IFT140: variants seen among roughly 807,000 people sequenced by gnomAD.
The protein encoded by IFT140 is intraflagellar transport protein 140 homolog.
In IFT140, 133 loss-of-function variants were observed where a neutral mutation model predicts 164.6. The observed-to-expected ratio is 0.81, with a 90% CI of 0.70 to 0.93. The LOEUF (loss-of-function observed/expected upper bound fraction) is 0.93, where lower values mean the gene tolerates loss of function less well. Ranked by LOEUF, IFT140 falls within the 40% of genes least tolerant of loss-of-function variation. The pLI is 0.00. For missense variants in IFT140, 2,045 were observed against 1,972.3 expected (o/e 1.04, Z -0.70); for synonymous variants, 860 against 817.3 (o/e 1.05, Z -0.89).
chr16:1,563,892 G>A, intron 17 of IFT140, 105 bp downstream of exon 17: 1 of 1,247,162 alleles, frequency 8.0e-7, no homozygotes, highest in Non-Finnish European at 1.1e-6. Context: ...CTCCCACAGT[G>A]CCGGGATCAC....
chr16:1,544,742 G>A (rs902505905), intron 19 of IFT140, among the ~76,000 whole-genome samples: 19 of 151,692 alleles, frequency 1.3e-4, no homozygotes, highest in African/African-American at 3.1e-4. Flanking sequence ...TCCGCCTCCC[G>A]GGTTCACGCC....
chr16:1,576,350 G>T (rs1199899364), intron 13 of IFT140, among the ~76,000 whole-genome samples: 1 of 151,254 alleles, frequency 6.6e-6, no homozygotes, highest in Non-Finnish European at 1.5e-5. Context: ...CTAGCACTTT[G>T]GGAGGCCGAG....
chr16:1,582,486 C>T (rs1182959914), intron 12 of IFT140, among the ~76,000 whole-genome samples: 2 of 152,252 alleles, frequency 1.3e-5, no homozygotes, highest in African/African-American at 4.8e-5. Context: ...TTTGGGACCT[C>T]TGGCCTCCAG....
At chr16:1,516,161 A>C (rs1567318503) in intron 30 of IFT140, among the ~76,000 whole-genome samples, 1 of 138,176 alleles carries the variant, frequency 7.2e-6, no homozygotes, top group Non-Finnish European at 1.6e-5. Flanking sequence ...AAAAAAAAAA[A>C]AAAAAAAAAA....
chr16:1,570,669 C>A (rs894247427), intron 14 of IFT140, among the ~76,000 whole-genome samples: 1 of 152,220 alleles, frequency 6.6e-6, no homozygotes, highest in Non-Finnish European at 1.5e-5. Flanking sequence ...TTTCCCCCCA[C>A]ACCCTTTAGT....
rs759010078 is a variant in IFT140, at chr16:1,584,268, G to A, written c.1308C>T (p.Val436=). ...GCATGTCGGTGCGCAGGCTGTGTGC[G>A]ACCCCCGTGGACAGGAAGCACACAT... The part of the protein sequence containing the change: ...LLNVCFLSTG[V]AHSLRTDMHI... The change falls in exon 11 of 31, where the codon GTC becomes GTT. Residue 436 remains valine, a synonymous_variant. Transcript: ENST00000426508. The A allele has an allele frequency of 1.9e-6, 3 of 1,613,746 alleles. No homozygotes were observed. Among genetic ancestry groups the A allele is most frequent in the African/African-American group, 1.3e-5 (1 of 74,900 alleles).
chr16:1,536,101 G>T (rs2031044163), intron 19 of IFT140, among the ~76,000 whole-genome samples: 1 of 152,236 alleles, frequency 6.6e-6, no homozygotes, highest in Admixed American at 6.5e-5. Context: ...ACCCCCGGGG[G>T]AGGGAGTTCC....
chr16:1,520,537 G>A lies in IFT140; in HGVS notation c.3660+65C>T, dbSNP rs189887106. 1,791 of 1,483,944 alleles carry A rather than the reference G, an allele frequency of 1.2e-3. 21 individuals are homozygous for A. The African/African-American group carries it at 0.023, about 19-fold the overall frequency. The allele number at this position is 1,483,944 out of a possible 1,614,324, so 91.9% of individuals were successfully genotyped here. A position where few individuals can be genotyped will look rare whatever the true frequency, so the allele number is the denominator to read the frequency against. ...TCATCACGAAGGCAAATGGAGATGC[G>A]TGCAGGGGGCCCGCAGCCTAACTGC... On this transcript the variant is annotated intron_variant, in intron 27 of 30. Transcript: ENST00000426508.
In IFT140 at chr16:1,533,840, G is replaced by C. The variant is rs1327886546; in HGVS notation, c.2400-7044C>G. ...ACACCGGCCACCCTGCCCGGAGCCT[G>C]GCACTCACAGCAGGCCGGTGCTAAG... On this transcript the variant is annotated intron_variant, in intron 19 of 30. Coordinates refer to ENST00000426508, the MANE Select transcript of IFT140 (RefSeq NM_014714.4). This position sits in a 1 kb window ranked among gnomAD's most constrained non-coding sequence, Gnocchi z 4.7. 4.5e-6 allele frequency: 1 copy of C among 223,604 alleles called. No individual in the cohort carries two copies. The highest frequency in any genetic ancestry group is 8.8e-6 in the Non-Finnish European group (1 of 113,900). The allele number at this position is 223,604 out of a possible 1,614,324, so 13.9% of individuals were successfully genotyped here.
In IFT140 at chr16:1,552,778, A is replaced by C. The variant is rs564715121; in HGVS notation, c.2399+5157T>G. On this transcript the variant is annotated intron_variant, in intron 19 of 30. Transcript: ENST00000426508. ...ATTCTCTGCTTCAGTCTCCTGAGTA[A>C]CTGGGATTACAGGTGCCTGCCACCA... 5.3e-3 allele frequency: 854 copies of C among 161,918 alleles called. 7 individuals carry two copies. The highest frequency in any genetic ancestry group is 9.5e-3 in the Non-Finnish European group (733 of 77,270). The allele number at this position is 161,918 out of a possible 1,614,324, so 10.0% of individuals were successfully genotyped here.
At chr16:1,549,329 C>A (rs754673810) in intron 19 of IFT140, among the ~76,000 whole-genome samples, 5 of 152,262 alleles carry the variant, frequency 3.3e-5, no homozygotes, top group Admixed American at 6.5e-5. Context: ...TCTGTGGCAA[C>A]AAAAATGCCA....
At chr16:1,602,638 T>A (rs560051863) in intron 3 of IFT140, 47 bp from the exon 4 acceptor site, 2 of 1,561,652 alleles carry the variant, frequency 1.3e-6, no homozygotes, top group South Asian at 2.2e-5. Flanking sequence ...GAGGGACAGC[T>A]ACTTTTAAGA....
chr16:1,585,771 T>C (rs955157463), intron 10 of IFT140, among the ~76,000 whole-genome samples: 52 of 144,906 alleles, frequency 3.6e-4, no homozygotes, highest in African/African-American at 1.2e-3. Context: ...ACTTTCTTTT[T>C]TTTTTTTTTT....
intron 17 of IFT140, among the ~76,000 whole-genome samples, chr16:1,562,895 G>A (rs1170113334): frequency 6.6e-6 from 1 of 152,188 alleles, no homozygotes; most frequent in African/African-American, 2.4e-5. Context: ...TTGCACAGAA[G>A]CAGAACAAGC....
chr16:1,518,657 C>T (rs768945997), intron 29 of IFT140, among the ~76,000 whole-genome samples: 3 of 151,946 alleles, frequency 2.0e-5, no homozygotes, highest in African/African-American at 2.4e-5. Context: ...CTGCACAAAG[C>T]GTGACCCAGA....
intron 2 of IFT140, 133 bp from the exon 3 acceptor site, chr16:1,607,430 G>T: frequency 1.4e-6 from 1 of 728,828 alleles, no homozygotes; most frequent in Non-Finnish European, 2.2e-6. Context: ...AAAATGCCTT[G>T]CGGACTGAGC....
intron 4 of IFT140, among the ~76,000 whole-genome samples, chr16:1,601,440 C>T (rs1410354960): frequency 6.6e-6 from 1 of 152,146 alleles, no homozygotes; most frequent in Admixed American, 6.6e-5. Context: ...GAGAACTCTA[C>T]TGTGCCTGGG....
At chr16:1,529,487 G>C (rs1381953557) in intron 19 of IFT140, among the ~76,000 whole-genome samples, 2 of 152,228 alleles carry the variant, frequency 1.3e-5, no homozygotes, top group Non-Finnish European at 2.9e-5. Context: ...TGGGACCCCA[G>C]GGAGGTGCCC....
intron 18 of IFT140, among the ~76,000 whole-genome samples, chr16:1,561,132 T>TG (rs2033384739): frequency 6.6e-6 from 1 of 152,230 alleles, no homozygotes. Flanking sequence ...CTCGGGATGC[T>TG]CCCAGAGGCT....
Sources: allele counts gnomAD v4.1 joint callset (sites outside exome capture counted in the v4.1 genomes callset), GRCh38; gene constraint gnomAD v4.1.1; non-coding constraint Gnocchi (gnomAD v3.1); transcripts MANE v1.5; gene names NCBI Gene and HGNC (gene_info 2026-07-23, HGNC 2026-07-21).